The following LIMS1 variants were observed in gnomAD, a reference collection of about 807,000 sequenced individuals.
The protein encoded by LIMS1 is LIM zinc finger domain containing 1.
Under a neutral mutation model 44.1 loss-of-function variants are expected in LIMS1, and 18 were observed. The ratio of observed to expected loss-of-function variants is 0.41; its 90% confidence interval spans 0.28 to 0.61. The LOEUF is 0.61. Ranked by LOEUF, LIMS1 falls within the 20% of genes least tolerant of loss-of-function variation. The probability of loss-of-function intolerance (pLI) is 0.32; values close to 1 mark genes in which losing one functional copy is unlikely to be tolerated. For missense variants in LIMS1, 201 were observed against 422.0 expected (o/e 0.48, Z 4.59); for synonymous variants, 93 against 149.1 (o/e 0.62, Z 2.74).
At chr2:108,624,648 T>C (rs13422766) in intron 1 of LIMS1, among the ~76,000 whole-genome samples, 3,219 of 152,262 alleles carry the variant, frequency 0.021, 49 homozygotes, top group Non-Finnish European at 0.025. Context: ...TCCCAGCTAC[T>C]GTGGAGGCTG....
At chr2:108,629,707 TAA>T (rs1688787192) in intron 1 of LIMS1, among the ~76,000 whole-genome samples, 4 of 152,202 alleles carry the variant, frequency 2.6e-5, no homozygotes, top group Non-Finnish European at 4.4e-5. Context: ...TCAGAAGCTT[TAA>T]AGAGTCATTT....
rs543137267 is a variant in LIMS1, at chr2:108,566,721, C to T, written c.32+32127C>T. On this transcript the variant is annotated intron_variant, in intron 1 of 9. Coordinates refer to ENST00000544547, the Ensembl canonical transcript of LIMS1. ...AAGCGATTCTCCTGCCTCGGCCTCCCGAGTAGCTGGGATTACAGATGCCCA... is the reference window on the plus strand; with the variant it reads ...AAGCGATTCTCCTGCCTCGGCCTCCTGAGTAGCTGGGATTACAGATGCCCA... Among the ~76,000 whole-genome samples, 19 of 152,170 alleles carry T rather than the reference C, an allele frequency of 1.2e-4. 1 individual carries two copies. The South Asian group carries it at 2.9e-3, about 23-fold the overall frequency.
chr2:108,648,209 T>C (rs1690207493), intron 1 of LIMS1, among the ~76,000 whole-genome samples: 1 of 152,134 alleles, frequency 6.6e-6, no homozygotes, highest in Non-Finnish European at 1.5e-5. Context: ...TAAACTCCCA[T>C]TCACAGTTGT....
intron 1 of LIMS1, among the ~76,000 whole-genome samples, chr2:108,577,859 T>C (rs908850026): frequency 6.6e-6 from 1 of 152,166 alleles, no homozygotes; most frequent in African/African-American, 2.4e-5. Flanking sequence ...TCTCTCCTCT[T>C]ACCGTGTGAC....
At chr2:108,565,290 T>C (rs1685257540) in intron 1 of LIMS1, among the ~76,000 whole-genome samples, 1 of 152,208 alleles carries the variant, frequency 6.6e-6, no homozygotes, top group Non-Finnish European at 1.5e-5. Context: ...GGGAAGTTTA[T>C]TACAGTGGCT....
chr2:108,577,313 C>G (rs1216443089), intron 1 of LIMS1, among the ~76,000 whole-genome samples: 1 of 152,242 alleles, frequency 6.6e-6, no homozygotes, highest in African/African-American at 2.4e-5. Context: ...CCGGTAAGGC[C>G]TAGGCCTTTC....
chr2:108,557,162 C>T (rs534760986), intron 1 of LIMS1, among the ~76,000 whole-genome samples: 38 of 152,268 alleles, frequency 2.5e-4, no homozygotes, highest in Non-Finnish European at 2.9e-5. Context: ...ACTGCAGCCT[C>T]AACCTCCTGA....
At chr2:108,653,951 C>A (rs942078790) in intron 1 of LIMS1, among the ~76,000 whole-genome samples, 1 of 141,948 alleles carries the variant, frequency 7.0e-6, no homozygotes, top group Non-Finnish European at 1.5e-5. Context: ...CTCAGTGAAC[C>A]TACATTTTTA....
At chr2:108,538,410 G>A (rs1004382783) in intron 1 of LIMS1, among the ~76,000 whole-genome samples, 1 of 152,122 alleles carries the variant, frequency 6.6e-6, no homozygotes, top group Non-Finnish European at 1.5e-5. Context: ...ACAGTGGGGC[G>A]GGACAGCTGC....
intron 1 of LIMS1, among the ~76,000 whole-genome samples, chr2:108,577,789 G>T (rs2104647041): frequency 6.6e-6 from 1 of 152,284 alleles, no homozygotes; most frequent in East Asian, 1.9e-4. Context: ...AAGTATTTTG[G>T]CTCAGCAGTT....
At chr2:108,568,234 A>G (rs1204922507) in intron 1 of LIMS1, among the ~76,000 whole-genome samples, 1 of 152,212 alleles carries the variant, frequency 6.6e-6, no homozygotes, top group African/African-American at 2.4e-5. Flanking sequence ...CCAATTGTTA[A>G]TATTGAAGAT....
At chr2:108,539,372 A>T (rs904793428) in intron 1 of LIMS1, among the ~76,000 whole-genome samples, 2 of 152,230 alleles carry the variant, frequency 1.3e-5, no homozygotes, top group Non-Finnish European at 2.9e-5. Context: ...GGCGCGAGCC[A>T]CTGCACCCAG....
chr2:108,675,363 G>A (rs62151379), intron 5 of LIMS1, among the ~76,000 whole-genome samples: 16 of 152,056 alleles, frequency 1.1e-4, no homozygotes, highest in South Asian at 2.1e-4. Flanking sequence ...GGCTGAACTC[G>A]TCCTTTTATA....
intron 1 of LIMS1, among the ~76,000 whole-genome samples, chr2:108,581,633 A>T (rs1372699681): frequency 6.6e-6 from 1 of 152,152 alleles, no homozygotes; most frequent in Non-Finnish European, 1.5e-5. Flanking sequence ...AGATGTTATT[A>T]TGTTTAGAAG....
chr2:108,653,592 C>G (rs1216420678), intron 1 of LIMS1, among the ~76,000 whole-genome samples: 1 of 152,090 alleles, frequency 6.6e-6, no homozygotes, highest in East Asian at 1.9e-4. Context: ...TTAGTTGTCT[C>G]TAGTGCTACA....
At chr2:108,587,290 TTGTGTGTGTGTGTGTGTGTG>T (rs58815332) in intron 1 of LIMS1, among the ~76,000 whole-genome samples, 14 of 106,084 alleles carry the variant, frequency 1.3e-4, no homozygotes, top group South Asian at 3.3e-4. Flanking sequence ...TTCTTGGGGT[TTGTGTGTGTGTGTGTGTGTG>T]TGTGTGTGTG....
rs71381966 is a variant in LIMS1 at position 108,549,279 on chromosome 2, C to CTTTTTT, written c.32+14713_32+14718dup. 2.7e-3 allele frequency among the ~76,000 whole-genome samples: 149 copies of CTTTTTT among 55,794 alleles called. 32 individuals carry two copies. Among genetic ancestry groups the CTTTTTT allele is most frequent in the Non-Finnish European group, 3.3e-3 (106 of 32,030 alleles). The allele number at this position is 55,794 out of a possible 152,430, so 36.6% of individuals were successfully genotyped here. A position where few individuals can be genotyped will look rare whatever the true frequency, so the allele number is the denominator to read the frequency against. On this transcript the variant is annotated intron_variant, in intron 1 of 9. Transcript: ENST00000544547. ...ATAATAATGTACAAGTAAAGTGTTT[C>CTTTTTT]TTTTTTTTTTTTTTTTTTTTTTTTT... is the stretch of plus-strand genomic sequence containing the variant.
At chr2:108,681,837 GA>G (rs1010933897) in intron 9 of LIMS1, among the ~76,000 whole-genome samples, 6 of 150,846 alleles carry the variant, frequency 4.0e-5, no homozygotes, top group African/African-American at 1.5e-4. Flanking sequence ...CTGCTGCAGT[GA>G]GCCATGACTG....
intron 1 of LIMS1, among the ~76,000 whole-genome samples, chr2:108,590,118 G>GT (rs1456083105): frequency 2.0e-5 from 3 of 152,174 alleles, no homozygotes; most frequent in Non-Finnish European, 4.4e-5. Context: ...GCCTTATACA[G>GT]TGGACTTCCT....
Sources: gnomAD v4.1 joint callset for allele counts (sites outside exome capture counted in the v4.1 genomes callset) on GRCh38, gnomAD v4.1.1 for gene constraint, MANE v1.5 for transcripts, NCBI Gene and HGNC (gene_info 2026-07-23, HGNC 2026-07-21) for gene names.